Variants in HEATR4 observed in about 807,000 individuals in gnomAD.
HEATR4 encodes the protein HEAT repeat containing 4, also known as HEAT repeat-containing protein 4.
Under a neutral mutation model 108.8 loss-of-function variants are expected in HEATR4, and 95 were observed. The observed-to-expected ratio is 0.87, with a 90% CI of 0.74 to 1.04. The LOEUF is 1.04. Among genes scored for constraint, HEATR4 ranks in the 50% least tolerant of loss-of-function variants. The pLI, the probability that HEATR4 is intolerant of heterozygous loss-of-function variation, is 0.00. For missense variants in HEATR4, 1,152 were observed against 1,253.8 expected, an observed-to-expected ratio of 0.92 and a Z score of 1.23; for synonymous variants, 443 against 459.4, an observed-to-expected ratio of 0.96 and a Z score of 0.46.
intron 2 of HEATR4, among the ~76,000 whole-genome samples, chr14:73,524,749 T>C (rs147623973): frequency 3.2e-4 from 49 of 151,650 alleles, no homozygotes; most frequent in Admixed American, 1.8e-3. Flanking sequence ...ACTCACTTTG[T>C]TGGCCTTGCC....
the HEATR4 span, among the ~76,000 whole-genome samples, chr14:73,573,758 C>T: frequency 6.6e-6 from 1 of 151,602 alleles, no homozygotes; most frequent in African/African-American, 2.4e-5. Flanking sequence ...GATGGAGTCT[C>T]ACTCTGTTGC....
chr14:73,507,437 T>C (rs1886928144), intron 9 of HEATR4, among the ~76,000 whole-genome samples: 1 of 152,152 alleles, frequency 6.6e-6, no homozygotes, highest in African/African-American at 2.4e-5. Flanking sequence ...TAATTAATTG[T>C]GTAATTAATT....
At chr14:73,525,671 G>A (rs898614652) in intron 2 of HEATR4, among the ~76,000 whole-genome samples, 1 of 152,156 alleles carries the variant, frequency 6.6e-6, no homozygotes, top group Admixed American at 6.6e-5. Flanking sequence ...AGCACCTTTA[G>A]GCCGGATGCG....
the HEATR4 span, chr14:73,570,014 G>C: frequency 7.3e-7 from 1 of 1,366,400 alleles, no homozygotes; most frequent in African/African-American, 1.5e-5. Flanking sequence ...GGCAGGTTTC[G>C]AATTCCTGGT....
chr14:73,504,125 T>C (rs544917271), intron 10 of HEATR4, among the ~76,000 whole-genome samples: 2 of 151,104 alleles, frequency 1.3e-5, no homozygotes, highest in South Asian at 4.2e-4. Flanking sequence ...TTGCCCAGGC[T>C]GGAGTGCAAT....
chr14:73,632,843 C>CAAAA, the HEATR4 span, among the ~76,000 whole-genome samples: 11 of 109,168 alleles, frequency 1.0e-4, no homozygotes, highest in African/African-American at 3.4e-4. Flanking sequence ...GACCCTGTCT[C>CAAAA]AAAAAAAAAA....
rs536726874 is a variant in HEATR4 at position 73,502,894 on chromosome 14, C to G, written c.2105+1G>C. The G allele has an allele frequency of 3.1e-6, 5 of 1,608,662 alleles. No individual in the cohort carries two copies. Among genetic ancestry groups the G allele is most frequent in the Non-Finnish European group, 4.3e-6 (5 of 1,175,268 alleles). On this transcript the variant is annotated splice_donor_variant, in intron 11 of 17. Coordinates refer to ENST00000553558, the MANE Select transcript of HEATR4 (RefSeq NM_001220484.1). LOFTEE classifies it high-confidence loss of function. ...GTCTCCTCATGTTGACTGGGTCTTA[C>G]CTGATTATGTCGTGCACCTCTTTCC...
chr14:73,495,120 C>A, intron 16 of HEATR4, 108 bp downstream of exon 16: 1 of 923,738 alleles, frequency 1.1e-6, no homozygotes, highest in African/African-American at 1.7e-5. Context: ...GTACCCTTTC[C>A]TGACTCTTTC....
intron 7 of HEATR4, among the ~76,000 whole-genome samples, chr14:73,509,811 C>CATATATATATATAT (rs1566832128): frequency 5.1e-5 from 1 of 19,494 alleles, no homozygotes; most frequent in Non-Finnish European, 9.0e-5. Flanking sequence ...CCCATGAGCC[C>CATATATATATATAT]ATATATATAT....
the HEATR4 span, among the ~76,000 whole-genome samples, chr14:73,604,164 C>CTTTTTTTTTTTTTTT: frequency 1.7e-5 from 2 of 120,776 alleles, no homozygotes; most frequent in African/African-American, 6.6e-5. Context: ...TTGCTAATTT[C>CTTTTTTTTTTTTTTT]TTTTTTTTTT....
chr14:73,615,423 A>C, the HEATR4 span, among the ~76,000 whole-genome samples: 10 of 141,952 alleles, frequency 7.0e-5, no homozygotes, highest in Non-Finnish European at 9.1e-5. Flanking sequence ...AACAAAAAAA[A>C]CCAGCAACAA....
Position 73,536,936 on chromosome 14 carries a change from C to T in HEATR4, c.-151-6692G>A, listed in dbSNP as rs1281478631. Among the ~76,000 whole-genome samples the T allele has an allele frequency of 1.8e-5, 2 of 112,994 alleles. 1 individual carries two copies. 74.1% of individuals were successfully genotyped at this position (112,994 alleles called of 152,430 possible). ...CCAACTCCAGTCCTGCATTCCTCTTCGCCATCAGGAGTTTGGAGCCTGGAG... is the reference window on the plus strand; with the variant it reads ...CCAACTCCAGTCCTGCATTCCTCTTTGCCATCAGGAGTTTGGAGCCTGGAG... On this transcript the variant is annotated intron_variant, in intron 1 of 17. Coordinates refer to ENST00000553558, the MANE Select transcript of HEATR4 (RefSeq NM_001220484.1).
chr14:73,623,785 TGA>T, the HEATR4 span, among the ~76,000 whole-genome samples: 2 of 152,092 alleles, frequency 1.3e-5, no homozygotes, highest in Non-Finnish European at 2.9e-5. Context: ...GTCCTCTCTG[TGA>T]GTTCCCACAA....
the HEATR4 span, among the ~76,000 whole-genome samples, chr14:73,576,878 A>C: frequency 4.8e-5 from 7 of 146,556 alleles, no homozygotes; most frequent in African/African-American, 1.8e-4. Context: ...TTTTTTTTTA[A>C]ACCTTAGTTG....
At chr14:73,587,345 T>C in the HEATR4 span, among the ~76,000 whole-genome samples, 1 of 134,748 alleles carries the variant, frequency 7.4e-6, no homozygotes, top group Non-Finnish European at 1.5e-5. Context: ...GCTCCCCTTT[T>C]GGCAACATCC....
chr14:73,559,393 T>C (rs535215180), upstream of HEATR4, among the ~76,000 whole-genome samples: 9 of 151,934 alleles, frequency 5.9e-5, no homozygotes, highest in African/African-American at 1.4e-4. Context: ...TGCTGGGATT[T>C]GCAACTGTGA....
At chr14:73,478,936 C>T in intron 17 of HEATR4, 94 bp from the exon 18 acceptor site, 2 of 897,396 alleles carry the variant, frequency 2.2e-6, no homozygotes, top group Non-Finnish European at 3.4e-6. Flanking sequence ...TATAGGGTGT[C>T]TCCTTTTTTT....
chr14:73,605,365 C>G, the HEATR4 span, among the ~76,000 whole-genome samples: 1 of 152,124 alleles, frequency 6.6e-6, no homozygotes, highest in Non-Finnish European at 1.5e-5. Context: ...TCCAAGCTGT[C>G]CTTGTTCATT....
intron 10 of HEATR4, 65 bp downstream of exon 10, chr14:73,506,402 T>G: frequency 8.8e-7 from 1 of 1,134,620 alleles, no homozygotes; most frequent in South Asian, 1.2e-5. Context: ...CAGCAAAAAG[T>G]AGAAGGCCTC....
Sources: allele counts gnomAD v4.1 joint callset (sites outside exome capture counted in the v4.1 genomes callset), GRCh38; gene constraint gnomAD v4.1.1; transcripts MANE v1.5; gene names NCBI Gene and HGNC (gene_info 2026-07-23, HGNC 2026-07-21).